DLG2: variants seen among roughly 807,000 people sequenced by gnomAD.
DLG2 encodes the protein discs large MAGUK scaffold protein 2.
Under a neutral mutation model 132.5 loss-of-function variants are expected in DLG2, and 45 were observed. The ratio of observed to expected loss-of-function variants is 0.34; its 90% confidence interval spans 0.27 to 0.44. The LOEUF is 0.44. Ranked by LOEUF, DLG2 falls within the 20% of genes least tolerant of loss-of-function variation. The pLI is 1.00. For missense variants in DLG2, 1,045 were observed against 1,196.9 expected (o/e 0.87, Z 1.87); for synonymous variants, 424 against 419.6 (o/e 1.01, Z -0.13).
chr11:85,534,349 T>G (rs1007698232), intron 3 of DLG2, among the ~76,000 whole-genome samples: 97 of 152,324 alleles, frequency 6.4e-4, no homozygotes, highest in African/African-American at 2.3e-3. Flanking sequence ...AAATATAATT[T>G]TTTTTAATTT....
intron 6 of DLG2, among the ~76,000 whole-genome samples, chr11:84,981,998 T>A (rs2055823449): frequency 1.3e-5 from 2 of 152,134 alleles, no homozygotes; most frequent in African/African-American, 4.8e-5. Flanking sequence ...AATAAGAAAC[T>A]CCTTTTCTTT....
At chr11:83,495,296 A>G (rs2094093487) in intron 21 of DLG2, among the ~76,000 whole-genome samples, 1 of 152,172 alleles carries the variant, frequency 6.6e-6, no homozygotes, top group Admixed American at 6.5e-5. Context: ...CTATTATCAG[A>G]AAAACCTGAG....
At chr11:84,887,190 T>C (rs2088483216) in intron 6 of DLG2, 1 of 152,102 alleles carries the variant, frequency 6.6e-6, no homozygotes, top group African/African-American at 2.4e-5. Flanking sequence ...CATGCTCAAA[T>C]CTTGAAGAAA....
At chr11:84,030,529 A>G (rs1275915279) in intron 11 of DLG2, among the ~76,000 whole-genome samples, 2 of 152,152 alleles carry the variant, frequency 1.3e-5, no homozygotes, top group African/African-American at 2.4e-5. Flanking sequence ...TAAAAAAAGA[A>G]AATTCCTTTG....
At chr11:85,145,820 A>T (rs1456786713) in intron 5 of DLG2, among the ~76,000 whole-genome samples, 1 of 152,030 alleles carries the variant, frequency 6.6e-6, no homozygotes, top group Non-Finnish European at 1.5e-5. Flanking sequence ...CCACCACTCT[A>T]GAATTTGTCA....
chr11:84,189,994 A>G (rs1041407472), intron 8 of DLG2, among the ~76,000 whole-genome samples: 1 of 151,996 alleles, frequency 6.6e-6, no homozygotes, highest in African/African-American at 2.4e-5. Context: ...TAAAGGAGAA[A>G]AAAAAAAAAG....
chr11:84,868,064 G>T (rs1019928150), intron 6 of DLG2, among the ~76,000 whole-genome samples: 1 of 149,458 alleles, frequency 6.7e-6, no homozygotes, highest in South Asian at 2.1e-4. Flanking sequence ...ACAAAGCGAG[G>T]TTCCGTCTCA....
chr11:85,081,324 G>A (rs2067201601), intron 6 of DLG2, among the ~76,000 whole-genome samples: 1 of 152,128 alleles, frequency 6.6e-6, no homozygotes, highest in Non-Finnish European at 1.5e-5. Flanking sequence ...AACAGCATGG[G>A]AAGTTGCCTG....
chr11:85,165,914 C>A (rs1255253434), intron 4 of DLG2, among the ~76,000 whole-genome samples: 1 of 152,082 alleles, frequency 6.6e-6, no homozygotes, highest in East Asian at 1.9e-4. Context: ...CACTGTCTTC[C>A]TAGTTCTGTC....
intron 3 of DLG2, among the ~76,000 whole-genome samples, chr11:85,312,393 ATATAAT>A (rs1162379225): frequency 3.3e-5 from 5 of 150,732 alleles, no homozygotes; most frequent in Admixed American, 6.6e-5. Flanking sequence ...CCTTATAAGT[ATATAAT>A]TATAATTTTG....
At chr11:85,018,006 G>A (rs983693918) in intron 6 of DLG2, among the ~76,000 whole-genome samples, 1 of 152,108 alleles carries the variant, frequency 6.6e-6, no homozygotes, top group Non-Finnish European at 1.5e-5. Context: ...ATATAAGTGT[G>A]TCTGGAAAAT....
At chr11:85,215,266 C>T (rs964298429) in intron 4 of DLG2, among the ~76,000 whole-genome samples, 1 of 152,066 alleles carries the variant, frequency 6.6e-6, no homozygotes, top group Non-Finnish European at 1.5e-5. Context: ...TTTTTAATGG[C>T]ATTATGGGTG....
intron 6 of DLG2, among the ~76,000 whole-genome samples, chr11:84,625,862 A>G (rs1252370511): frequency 6.6e-6 from 1 of 152,222 alleles, no homozygotes; most frequent in East Asian, 1.9e-4. Flanking sequence ...GAGAATAACC[A>G]CAAGTGCAGT....
chr11:84,863,124 T>C (rs2084010343), intron 6 of DLG2, among the ~76,000 whole-genome samples: 2 of 152,012 alleles, frequency 1.3e-5, no homozygotes, highest in South Asian at 4.1e-4. Flanking sequence ...GTAGATCCTT[T>C]TATCACAATT....
At chr11:84,278,102 G>C (rs184661039) in intron 7 of DLG2, among the ~76,000 whole-genome samples, 2 of 138,120 alleles carry the variant, frequency 1.4e-5, no homozygotes, top group East Asian at 4.3e-4. Flanking sequence ...TGCCCAGGCT[G>C]GTCCTGAACT....
chr11:84,745,168 T>C (rs1028753039), intron 6 of DLG2, among the ~76,000 whole-genome samples: 4 of 152,184 alleles, frequency 2.6e-5, no homozygotes, highest in African/African-American at 9.7e-5. Context: ...AATTTATATG[T>C]AAGGTTCATG....
intron 20 of DLG2, among the ~76,000 whole-genome samples, chr11:83,539,759 A>G (rs562538127): frequency 4.1e-4 from 62 of 152,138 alleles, no homozygotes; most frequent in Non-Finnish European, 8.5e-4. Flanking sequence ...TTTCCAGGTC[A>G]GCTATACTCT....
intron 6 of DLG2, among the ~76,000 whole-genome samples, chr11:84,548,545 C>G (rs1484140128): frequency 1.3e-5 from 2 of 149,476 alleles, no homozygotes; most frequent in Non-Finnish European, 3.0e-5. Flanking sequence ...GGTTTTTTGT[C>G]CTTGCGATAG....
intron 18 of DLG2, among the ~76,000 whole-genome samples, chr11:83,777,616 G>A (rs1316190341): frequency 6.6e-6 from 1 of 152,166 alleles, no homozygotes; most frequent in Non-Finnish European, 1.5e-5. Context: ...TGAACAGTAA[G>A]TTGTTAATCC....
Sources: allele counts gnomAD v4.1 joint callset (sites outside exome capture counted in the v4.1 genomes callset), GRCh38; gene constraint gnomAD v4.1.1; transcripts MANE v1.5; gene names NCBI Gene and HGNC (gene_info 2026-07-23, HGNC 2026-07-21).